The following NCOR1 variants were observed in gnomAD, a reference collection of about 807,000 sequenced individuals.
NCOR1 encodes protein phosphatase 1, regulatory subunit 109.
Under a neutral mutation model 288.1 loss-of-function variants are expected in NCOR1, and 63 were observed. That is an observed-to-expected ratio of 0.22 (90% CI 0.18 to 0.27). The LOEUF (loss-of-function observed/expected upper bound fraction) is 0.27, where lower values mean the gene tolerates loss of function less well. NCOR1 is among the 10% of genes least tolerant of loss of function. The probability of loss-of-function intolerance (pLI) is 1.00; values close to 1 mark genes in which losing one functional copy is unlikely to be tolerated. For missense variants in NCOR1, 2,397 were observed against 3,019.2 expected (o/e 0.79, Z 4.83); for synonymous variants, 1,007 against 1,065.9 (o/e 0.94, Z 1.08).
chr17:16,039,190 T>C, intron 44 of NCOR1: 1 of 504,090 alleles, frequency 2.0e-6, no homozygotes, highest in Non-Finnish European at 3.6e-6. Context: ...TGCAAACAAA[T>C]AAAAAATGGA....
chr17:16,067,005 G>C (rs1045812191), intron 32 of NCOR1, among the ~76,000 whole-genome samples: 2 of 152,214 alleles, frequency 1.3e-5, no homozygotes, highest in African/African-American at 4.8e-5. Flanking sequence ...ACTGGGCTCA[G>C]CCAATAGCGG....
At chr17:16,160,309 TCTG>T (rs1460690255) in intron 5 of NCOR1, among the ~76,000 whole-genome samples, 1 of 152,218 alleles carries the variant, frequency 6.6e-6, no homozygotes, top group Admixed American at 6.5e-5. Context: ...CAGGGACTTG[TCTG>T]CTTTGTCCGC....
intron 7 of NCOR1, among the ~76,000 whole-genome samples, chr17:16,152,233 C>T (rs2078982909): frequency 2.0e-5 from 3 of 152,268 alleles, no homozygotes; most frequent in South Asian, 2.1e-4. Context: ...TATACATGTG[C>T]TGTGTTGGTT....
At position 16,033,330 on chromosome 17, in the gene NCOR1, C is replaced by T. The variant is rs367764599; in HGVS notation, c.7136-847G>A. On this transcript the variant is annotated intron_variant, in intron 45 of 45. Coordinates refer to ENST00000268712, the MANE Select transcript of NCOR1 (RefSeq NM_006311.4). ...AGCCTGGGCAACAAGAACGAAACTCCGTCTCCAAAAAAAAAAAAAAAAAAA... is the reference window on the plus strand; with the variant it reads ...AGCCTGGGCAACAAGAACGAAACTCTGTCTCCAAAAAAAAAAAAAAAAAAA... 2.1e-3 allele frequency among the ~76,000 whole-genome samples: 276 copies of T among 131,702 alleles called. 2 individuals are homozygous for T. The highest frequency in any genetic ancestry group is 0.012 in the Middle Eastern group (3 of 258). 86.4% of individuals were successfully genotyped at this position (131,702 alleles called of 152,430 possible). A position where few individuals can be genotyped will look rare whatever the true frequency, so the allele number is the denominator to read the frequency against.
At chr17:16,034,600 C>G (rs1464987135) in intron 45 of NCOR1, among the ~76,000 whole-genome samples, 165 bp downstream of exon 45, 1 of 151,700 alleles carries the variant, frequency 6.6e-6, no homozygotes, top group Non-Finnish European at 1.5e-5. Context: ...AGAACAAGAC[C>G]CCTCAAAAAA....
intron 28 of NCOR1, among the ~76,000 whole-genome samples, chr17:16,072,828 T>C (rs2152745643): frequency 6.6e-6 from 1 of 152,342 alleles, no homozygotes; most frequent in African/African-American, 2.4e-5. Context: ...TTAAAATTGG[T>C]TGAGGCAGGT....
chr17:16,201,060 GA>G (rs544904984), intron 1 of NCOR1, among the ~76,000 whole-genome samples: 175 of 151,802 alleles, frequency 1.2e-3, no homozygotes, highest in South Asian at 4.2e-3. Context: ...CCTTTGGGGG[GA>G]AAAAAAAGCT....
chr17:16,141,674 A>C (rs1452957869), intron 11 of NCOR1, among the ~76,000 whole-genome samples: 1 of 152,200 alleles, frequency 6.6e-6, no homozygotes, highest in Non-Finnish European at 1.5e-5. Context: ...AGAAAAACTT[A>C]CTGCAACTGT....
chr17:16,185,895 C>CCACTG (rs1437254209), intron 3 of NCOR1, among the ~76,000 whole-genome samples: 1 of 151,680 alleles, frequency 6.6e-6, no homozygotes, highest in Non-Finnish European at 1.5e-5. Flanking sequence ...CATGATCATG[C>CCACTG]CACTGCACTC....
chr17:16,151,326 G>A (rs1021187673), intron 8 of NCOR1, among the ~76,000 whole-genome samples: 4 of 152,004 alleles, frequency 2.6e-5, no homozygotes, highest in African/African-American at 9.7e-5. Flanking sequence ...CTGGTACTAG[G>A]ATGAGCAAGG....
chr17:16,038,435 CTTTT>C (rs34997322), intron 44 of NCOR1, among the ~76,000 whole-genome samples: 17 of 149,334 alleles, frequency 1.1e-4, no homozygotes, highest in Non-Finnish European at 2.5e-4. Context: ...TTTTCCTACT[CTTTT>C]TTTTTTTCCT....
intron 18 of NCOR1, among the ~76,000 whole-genome samples, chr17:16,117,127 ATATT>A (rs2071782371): frequency 2.0e-5 from 3 of 152,336 alleles, no homozygotes; most frequent in South Asian, 2.1e-4. Context: ...CTGGTTTTTA[ATATT>A]TATACCATGG....
chr17:16,079,697 A>G (rs1301293117), intron 26 of NCOR1, among the ~76,000 whole-genome samples: 1 of 152,232 alleles, frequency 6.6e-6, no homozygotes, highest in African/African-American at 2.4e-5. Flanking sequence ...GGAAGACAAT[A>G]AGAGCTGCAT....
chr17:16,194,401 A>G (rs1224718561), intron 2 of NCOR1, 61 bp downstream of exon 2: 1 of 1,172,762 alleles, frequency 8.5e-7, no homozygotes, highest in Non-Finnish European at 1.2e-6. Flanking sequence ...TGTGTATTAA[A>G]TAGGAAAAGT....
At position 16,073,437 on chromosome 17, in the gene NCOR1, G is replaced by A. The variant is rs767356275; in HGVS notation, c.3803C>T (p.Pro1268Leu). The A allele has an allele frequency of 1.3e-6, 2 of 1,598,306 alleles. No homozygotes were observed. Among genetic ancestry groups the A allele is most frequent in the Middle Eastern group, 1.7e-4 (1 of 6,022 alleles). ...MSMRESPVSA[P>L]LEGLICRALP... ...TGAAAACAATGCTTTACCCTCTAAC[G>A]GTGCTGATACAGGAGACTCCCTCAT... The change falls in exon 28 of 46, where the codon CCG (proline) becomes CTG (leucine). Residue 1268 changes from proline to leucine, a missense_variant. Pro to Leu is a moderately conservative substitution (Grantham distance 98). Coordinates refer to ENST00000268712, the MANE Select transcript of NCOR1 (RefSeq NM_006311.4).
At chr17:16,075,796 C>T in intron 26 of NCOR1, 94 bp from the exon 27 acceptor site, 1 of 1,356,722 alleles carries the variant, frequency 7.4e-7, no homozygotes, top group Non-Finnish European at 1.0e-6. Flanking sequence ...CAGAGTCAGG[C>T]TAATCTATAG....
chr17:16,215,068 C>T (rs1176172275), intron 1 of NCOR1, among the ~76,000 whole-genome samples: 2 of 152,246 alleles, frequency 1.3e-5, no homozygotes, highest in Non-Finnish European at 2.9e-5. Flanking sequence ...CTCCGCACGC[C>T]CCTCCGCACA....
At chr17:16,068,634 CT>C (rs1175969927) in intron 31 of NCOR1, among the ~76,000 whole-genome samples, 2 of 151,986 alleles carry the variant, frequency 1.3e-5, no homozygotes, top group African/African-American at 4.8e-5. Context: ...AGCCTCTCTT[CT>C]CTTAAATGAT....
intron 11 of NCOR1, among the ~76,000 whole-genome samples, chr17:16,142,139 G>T (rs1287354863): frequency 6.6e-6 from 1 of 152,072 alleles, no homozygotes; most frequent in African/African-American, 2.4e-5. Flanking sequence ...AAAAAGTACT[G>T]GCTAGGTTAA....
Sources: allele counts gnomAD v4.1 joint callset (sites outside exome capture counted in the v4.1 genomes callset), GRCh38; gene constraint gnomAD v4.1.1; transcripts MANE v1.5; gene names NCBI Gene and HGNC (gene_info 2026-07-23, HGNC 2026-07-21).